The following AK9 variants were observed in gnomAD, a reference collection of about 807,000 sequenced individuals.
The protein encoded by AK9 is adenylate kinase domain containing 1.
In AK9, 191 loss-of-function variants were observed where a neutral mutation model predicts 239.6. That is an observed-to-expected ratio of 0.80 (90% CI 0.71 to 0.90). The LOEUF (loss-of-function observed/expected upper bound fraction) is 0.90, where lower values mean the gene tolerates loss of function less well. AK9 is among the 40% of genes least tolerant of loss of function. The probability of loss-of-function intolerance (pLI) is 0.00; values close to 1 mark genes in which losing one functional copy is unlikely to be tolerated. For synonymous variants in AK9, 689 were observed against 721.0 expected (o/e 0.96, Z 0.71); for missense variants, 1,995 against 2,214.7 (o/e 0.90, Z 1.99).
chr6:109,563,262 T>G (rs1583020247), intron 24 of AK9, among the ~76,000 whole-genome samples: 1 of 152,112 alleles, frequency 6.6e-6, no homozygotes, highest in Admixed American at 6.6e-5. Context: ...TGAATATGGG[T>G]TACTCCTAAC....
intron 17 of AK9, among the ~76,000 whole-genome samples, chr6:109,602,528 T>C (rs1230197217): frequency 6.6e-6 from 1 of 152,184 alleles, no homozygotes; most frequent in Non-Finnish European, 1.5e-5. Context: ...ATTTCAACTT[T>C]GGTGAATCTG....
chr6:109,650,898 G>A (rs1189546580), intron 8 of AK9, among the ~76,000 whole-genome samples: 1 of 152,118 alleles, frequency 6.6e-6, no homozygotes, highest in Non-Finnish European at 1.5e-5. Context: ...ATACTACGCA[G>A]CCATAAAAAA....
At chr6:109,561,462 C>T (rs1785766096) in intron 24 of AK9, among the ~76,000 whole-genome samples, 1 of 152,100 alleles carries the variant, frequency 6.6e-6, no homozygotes, top group African/African-American at 2.4e-5. Context: ...TACAGGTGTG[C>T]ACCACCATGC....
intron 12 of AK9, among the ~76,000 whole-genome samples, chr6:109,621,904 AAAAAAAAAC>A (rs374250730): frequency 0.039 from 1,610 of 41,266 alleles, 25 homozygotes; most frequent in East Asian, 0.27. Flanking sequence ...AAAAAAAAAA[AAAAAAAAAC>A]AAAAAAAAAA....
At chr6:109,686,432 C>G (rs1057402304) in intron 1 of AK9, among the ~76,000 whole-genome samples, 4 of 152,160 alleles carry the variant, frequency 2.6e-5, no homozygotes, top group African/African-American at 4.8e-5. Context: ...CTTTAGTTTT[C>G]AAAGAGAGCA....
At position 109,600,051 on chromosome 6, in the gene AK9, T is replaced by A. The variant is rs1172273138; in HGVS notation, c.1842+10314A>T. 3.3e-5 allele frequency among the ~76,000 whole-genome samples: 5 copies of A among 152,250 alleles called. 1 individual carries two copies. In the East Asian group the frequency reaches 5.8e-4, roughly 18 times the overall value. On this transcript the variant is annotated intron_variant, in intron 17 of 40. Coordinates refer to ENST00000424296, the MANE Select transcript of AK9 (RefSeq NM_001145128.3). ...GGGACAATTTGATTTCCTCTTTTCC[T>A]AATTGAATACCCTTTATTTCTTTCT... is the stretch of plus-strand genomic sequence containing the variant.
chr6:109,530,283 T>C (rs542620647), intron 28 of AK9, among the ~76,000 whole-genome samples: 3 of 152,164 alleles, frequency 2.0e-5, no homozygotes, highest in Non-Finnish European at 4.4e-5. Flanking sequence ...TTTCATCTGG[T>C]TGCTATTGAG....
chr6:109,616,363 G>C (rs1318064580), intron 13 of AK9, among the ~76,000 whole-genome samples: 1 of 151,978 alleles, frequency 6.6e-6, no homozygotes, highest in Non-Finnish European at 1.5e-5. Flanking sequence ...TTTCTTGAAA[G>C]ATGCTGGCAA....
chr6:109,644,568 T>G, intron 9 of AK9, 46 bp downstream of exon 9: 1 of 1,498,950 alleles, frequency 6.7e-7, no homozygotes, highest in Non-Finnish European at 9.1e-7. Context: ...TCAATAGATT[T>G]AAATTTTCCA....
At chr6:109,567,641 C>T (rs746449295) in intron 21 of AK9, among the ~76,000 whole-genome samples, 3 of 148,730 alleles carry the variant, frequency 2.0e-5, no homozygotes, top group Non-Finnish European at 4.4e-5. Context: ...GGACAGAAAA[C>T]CAAACACCGC....
intron 20 of AK9, among the ~76,000 whole-genome samples, chr6:109,575,003 C>T (rs1787879094): frequency 6.6e-6 from 1 of 152,192 alleles, no homozygotes; most frequent in Admixed American, 6.5e-5. Context: ...ATAATGGTCT[C>T]CAACTCCATC....
At chr6:109,522,051 G>A (rs1779925841) in intron 29 of AK9, among the ~76,000 whole-genome samples, 1 of 151,972 alleles carries the variant, frequency 6.6e-6, no homozygotes, top group South Asian at 2.1e-4. Context: ...GTTTGGCTAA[G>A]TACAGAGTTC....
At chr6:109,545,802 C>A in intron 26 of AK9, 65 bp downstream of exon 26, 2 of 1,525,662 alleles carry the variant, frequency 1.3e-6, no homozygotes, top group South Asian at 1.3e-5. Flanking sequence ...GACCCTGTCT[C>A]AAAAACAACA....
chr6:109,654,732 C>T (rs1054721663), intron 8 of AK9, among the ~76,000 whole-genome samples: 1 of 152,162 alleles, frequency 6.6e-6, no homozygotes, highest in Non-Finnish European at 1.5e-5. Flanking sequence ...ATACCTGCAC[C>T]AGGAGTTGAG....
At chr6:109,611,899 TTTTA>T (rs373447313) in intron 16 of AK9, 107 bp downstream of exon 16, 4 of 763,566 alleles carry the variant, frequency 5.2e-6, no homozygotes, top group African/African-American at 3.6e-5. Context: ...TTAATCATGC[TTTTA>T]TTTTTTTTGA....
In AK9 at chr6:109,656,817, T is replaced by C; in HGVS notation, c.698A>G (p.Tyr233Cys). 1.2e-6 allele frequency: 2 copies of C among 1,611,632 alleles called. No individual in the cohort carries two copies. Among genetic ancestry groups the C allele is most frequent in the Non-Finnish European group, 1.7e-6 (2 of 1,178,088 alleles). Residue 233 changes from tyrosine (Y) to cysteine (C), a missense_variant, in exon 8 of 41, where the codon TAT (tyrosine) becomes TGT (cysteine). Transcript: ENST00000424296. ...LHHLVQRPED[Y>C]LENVENIVKL... Reference sequence around the variant, plus strand: ...AACAATGTTTTCAACATTTTCCAAATAATCTTCAGGCCTCTGAACTAGATG... The same window carrying C: ...AACAATGTTTTCAACATTTTCCAAACAATCTTCAGGCCTCTGAACTAGATG...
At chr6:109,514,119 T>C in intron 32 of AK9, 105 bp downstream of exon 32, 2 of 1,113,698 alleles carry the variant, frequency 1.8e-6, no homozygotes, top group South Asian at 1.7e-5. Flanking sequence ...ATTAAATGTC[T>C]TTTTCTGCTG....
At chr6:109,545,086 C>T (rs1783363726) in intron 26 of AK9, among the ~76,000 whole-genome samples, 1 of 152,084 alleles carries the variant, frequency 6.6e-6, no homozygotes, top group Non-Finnish European at 1.5e-5. Context: ...TTCTTAGAAA[C>T]TTTATAGAGT....
At chr6:109,650,033 T>C (rs1230578627) in intron 8 of AK9, among the ~76,000 whole-genome samples, 1 of 152,230 alleles carries the variant, frequency 6.6e-6, no homozygotes, top group Non-Finnish European at 1.5e-5. Flanking sequence ...GCTAGCCATA[T>C]GTAGAAAGCT....
Sources: gnomAD v4.1 joint callset for allele counts (sites outside exome capture counted in the v4.1 genomes callset) on GRCh38, gnomAD v4.1.1 for gene constraint, MANE v1.5 for transcripts, NCBI Gene and HGNC (gene_info 2026-07-23, HGNC 2026-07-21) for gene names.